LRP1B: variants seen among roughly 807,000 people sequenced by gnomAD.
LRP1B encodes LDL receptor related protein 1B.
In LRP1B, 217 loss-of-function variants were observed where a neutral mutation model predicts 556.6. The observed-to-expected ratio is 0.39, with a 90% CI of 0.35 to 0.44. The LOEUF (loss-of-function observed/expected upper bound fraction) is 0.44. Among genes scored for constraint, LRP1B ranks in the 20% least tolerant of loss-of-function variants. The probability of loss-of-function intolerance (pLI) is 1.00; values close to 1 mark genes in which losing one functional copy is unlikely to be tolerated. For missense variants in LRP1B, 5,053 were observed against 5,620.8 expected (o/e 0.90, Z 3.23); for synonymous variants, 2,047 against 1,865.8 (o/e 1.10, Z -2.50).
chr2:141,244,945 G>A (rs1684012680), intron 5 of LRP1B, among the ~76,000 whole-genome samples: 1 of 152,068 alleles, frequency 6.6e-6, no homozygotes, highest in African/African-American at 2.4e-5. Context: ...ATCAATTCTA[G>A]AGTCATCAAA....
chr2:140,385,641 G>A (rs1013474849), intron 67 of LRP1B, among the ~76,000 whole-genome samples: 4 of 152,150 alleles, frequency 2.6e-5, no homozygotes, highest in African/African-American at 9.7e-5. Flanking sequence ...CTAATGGGTT[G>A]CATTAAACCT....
At chr2:141,293,477 C>T (rs147359160) in intron 3 of LRP1B, among the ~76,000 whole-genome samples, 274 of 152,208 alleles carry the variant, frequency 1.8e-3, no homozygotes, top group African/African-American at 6.2e-3. Flanking sequence ...AGACATCTTC[C>T]ATAAAACACA....
intron 2 of LRP1B, among the ~76,000 whole-genome samples, chr2:141,539,569 C>A (rs1685181653): frequency 2.0e-5 from 3 of 152,086 alleles, no homozygotes; most frequent in Admixed American, 1.3e-4. Flanking sequence ...AAAATATTTT[C>A]TATTTCCAGC....
intron 35 of LRP1B, among the ~76,000 whole-genome samples, chr2:140,726,034 C>T (rs919555499): frequency 7.9e-5 from 12 of 152,190 alleles, no homozygotes; most frequent in African/African-American, 1.4e-4. Context: ...TACTTAGTCA[C>T]GAGTAGGGTG....
At chr2:140,617,153 G>T (rs1683285776) in intron 41 of LRP1B, among the ~76,000 whole-genome samples, 1 of 151,814 alleles carries the variant, frequency 6.6e-6, no homozygotes, top group African/African-American at 2.4e-5. Flanking sequence ...TTAATCTTAG[G>T]ATGCACACAT....
intron 86 of LRP1B, among the ~76,000 whole-genome samples, chr2:140,247,421 AT>A (rs1188683176): frequency 1.6e-4 from 25 of 151,648 alleles, no homozygotes; most frequent in African/African-American, 6.0e-4. Context: ...AAATTGGCAC[AT>A]TTTATAGCGA....
At chr2:141,548,209 G>A (rs548016206) in intron 2 of LRP1B, among the ~76,000 whole-genome samples, 1 of 152,110 alleles carries the variant, frequency 6.6e-6, no homozygotes, top group African/African-American at 2.4e-5. Context: ...AACTTGAAGG[G>A]TATTATGAGA....
At chr2:140,980,620 G>A (rs762761387) in intron 18 of LRP1B, among the ~76,000 whole-genome samples, 1 of 152,060 alleles carries the variant, frequency 6.6e-6, no homozygotes, top group African/African-American at 2.4e-5. Context: ...GAAAATTTTA[G>A]GTAAGCATCC....
intron 2 of LRP1B, among the ~76,000 whole-genome samples, chr2:141,784,852 T>C (rs184730771): frequency 6.6e-6 from 1 of 152,150 alleles, no homozygotes; most frequent in Admixed American, 6.6e-5. Flanking sequence ...GTTTTCTTAA[T>C]TCTTGCCCAA....
Position 141,499,780 on chromosome 2 carries a change from A to G in LRP1B, c.206-19247T>C, listed in dbSNP as rs566641323. 2.9e-4 allele frequency among the ~76,000 whole-genome samples: 44 copies of G among 152,234 alleles called. 1 individual carries two copies. The Middle Eastern group carries it at 0.01, about 35-fold the overall frequency. ...TGTAAAGTTTTAATTTGAAATAAAA[A>G]AATAAAATATATAGGATTTGTGTTA... On this transcript the variant is annotated intron_variant, in intron 2 of 90. Transcript: ENST00000389484.
intron 1 of LRP1B, among the ~76,000 whole-genome samples, chr2:142,086,644 A>AAAC (rs747968319): frequency 0.013 from 1,896 of 147,486 alleles, 24 homozygotes; most frequent in Non-Finnish European, 0.02. Context: ...AACAAACAAA[A>AAAC]AAAAAACACA....
intron 2 of LRP1B, among the ~76,000 whole-genome samples, chr2:141,515,693 GTATT>G (rs1314791379): frequency 6.6e-6 from 1 of 152,100 alleles, no homozygotes; most frequent in Non-Finnish European, 1.5e-5. Flanking sequence ...AGATATGTAT[GTATT>G]TCTTAAGCTT....
intron 3 of LRP1B, among the ~76,000 whole-genome samples, chr2:141,311,149 A>G (rs922607983): frequency 6.6e-6 from 1 of 152,212 alleles, no homozygotes; most frequent in African/African-American, 2.4e-5. Context: ...ATGTGTTTAT[A>G]CATACAAAAT....
intron 1 of LRP1B, among the ~76,000 whole-genome samples, chr2:141,900,558 AATGAATTTCATACACAG>A (rs908221182): frequency 2.6e-5 from 4 of 152,012 alleles, no homozygotes; most frequent in African/African-American, 9.7e-5. Context: ...TTCAGTTTCC[AATGAATTTCATACACAG>A]ATGACCTCAT....
intron 35 of LRP1B, among the ~76,000 whole-genome samples, chr2:140,740,025 G>A (rs1573647127): frequency 1.3e-5 from 2 of 152,122 alleles, no homozygotes; most frequent in South Asian, 4.1e-4. Flanking sequence ...AAAAACAGTA[G>A]TTGTTGGCGT....
At chr2:141,620,134 A>G (rs1188315435) in intron 2 of LRP1B, among the ~76,000 whole-genome samples, 1 of 152,060 alleles carries the variant, frequency 6.6e-6, no homozygotes, top group Non-Finnish European at 1.5e-5. Flanking sequence ...AAAAGAAAAT[A>G]TAGAGATGGG....
At chr2:142,004,192 G>A (rs1365858052) in intron 1 of LRP1B, among the ~76,000 whole-genome samples, 2 of 152,166 alleles carry the variant, frequency 1.3e-5, no homozygotes, top group African/African-American at 2.4e-5. Flanking sequence ...GGAACTGGAA[G>A]AAATAGGGTG....
chr2:142,032,676 C>T (rs984736982), intron 1 of LRP1B, among the ~76,000 whole-genome samples: 1 of 151,798 alleles, frequency 6.6e-6, no homozygotes, highest in Non-Finnish European at 1.5e-5. Context: ...TTTAGACATA[C>T]AGGGCTTTGA....
At chr2:141,523,490 A>T (rs577040866) in intron 2 of LRP1B, among the ~76,000 whole-genome samples, 1 of 152,256 alleles carries the variant, frequency 6.6e-6, no homozygotes, top group Admixed American at 6.5e-5. Flanking sequence ...CAAGCACCTT[A>T]CATGTGGTCC....
Sources: allele counts gnomAD v4.1 joint callset (sites outside exome capture counted in the v4.1 genomes callset), GRCh38; gene constraint gnomAD v4.1.1; transcripts MANE v1.5; gene names NCBI Gene and HGNC (gene_info 2026-07-23, HGNC 2026-07-21).